The following DMD variants were observed in gnomAD, a reference collection of about 807,000 sequenced individuals.
DMD encodes mutant dystrophin.
Under a neutral mutation model 330.1 loss-of-function variants are expected in DMD, and 63 were observed. The ratio of observed to expected loss-of-function variants is 0.19; its 90% CI spans 0.16 to 0.24. The LOEUF (loss-of-function observed/expected upper bound fraction) is 0.24. DMD is among the 10% of genes least tolerant of loss of function. The probability of loss-of-function intolerance (pLI) is 1.00; values close to 1 mark genes in which losing one functional copy is unlikely to be tolerated. For missense variants in DMD, 3,344 were observed against 2,684.1 expected (o/e 1.25, Z -5.43); for synonymous variants, 1,223 against 959.8 (o/e 1.27, Z -5.07).
chrX:31,382,965 A>G (rs974103147), intron 60 of DMD, among the ~76,000 whole-genome samples: 2 of 112,299 alleles, frequency 1.8e-5, no homozygotes, highest in East Asian at 2.8e-4. Context: ...CCTGTGACCT[A>G]CACATATACA....
chrX:32,476,131 A>T (rs1157014578), intron 21 of DMD, among the ~76,000 whole-genome samples: 1 of 110,988 alleles, frequency 9.0e-6, no homozygotes, highest in East Asian at 2.8e-4. Flanking sequence ...GATGAATCAT[A>T]AGCTTCATAA....
chrX:31,228,267 T>TAAAAAAAAAAAAAAAAA (rs1367757647), intron 63 of DMD, among the ~76,000 whole-genome samples: 1 of 39,611 alleles, frequency 2.5e-5, no homozygotes, highest in Non-Finnish European at 4.1e-5. Flanking sequence ...AAAAAAAAAA[T>TAAAAAAAAAAAAAAAAA]AAAAAAATAA....
chrX:32,886,544 G>T (rs1302794665), intron 2 of DMD, among the ~76,000 whole-genome samples: 2 of 109,908 alleles, frequency 1.8e-5, no homozygotes, highest in South Asian at 4.0e-4. Flanking sequence ...TTAGCCAGGC[G>T]TGGTGGCAGG....
rs1167461837 is a variant in DMD, at chrX:32,380,389, G to A, written c.4845+121C>T. 8.8e-6 allele frequency: 6 copies of A among 684,021 alleles called. No individual in the cohort carries two copies. In the African/African-American group the frequency reaches 1.1e-4, roughly 13 times the overall value. The allele number at this position is 684,021 out of a possible 1,213,427, so 56.4% of individuals were successfully genotyped here. A position where few individuals can be genotyped will look rare whatever the true frequency, so the allele number is the denominator to read the frequency against. ...AGCACAGATTAATTTTTAAGAAAGGGAATATGAAACAATATTAATATTTAT... is the reference window on the plus strand; with the variant it reads ...AGCACAGATTAATTTTTAAGAAAGGAAATATGAAACAATATTAATATTTAT... On this transcript the variant is annotated intron_variant, in intron 34 of 78. Coordinates refer to ENST00000357033, the MANE Select transcript of DMD (RefSeq NM_004006.3).
intron 9 of DMD, among the ~76,000 whole-genome samples, chrX:32,661,333 T>A (rs1166552275): frequency 9.0e-6 from 1 of 110,701 alleles, no homozygotes; most frequent in Non-Finnish European, 1.9e-5. Flanking sequence ...AGCACTCCAC[T>A]AAATCATCTA....
At chrX:31,270,233 C>T (rs1466290683) in intron 62 of DMD, among the ~76,000 whole-genome samples, 1 of 108,864 alleles carries the variant, frequency 9.2e-6, no homozygotes, top group African/African-American at 3.4e-5. Context: ...TGTAAATAGC[C>T]TTTTCATTAT....
chrX:31,827,882 C>A (rs2092925724), intron 49 of DMD, among the ~76,000 whole-genome samples: 1 of 111,162 alleles, frequency 9.0e-6, no homozygotes, highest in African/African-American at 3.3e-5. Flanking sequence ...AATAGTGACA[C>A]AATTTATCAA....
At chrX:31,887,795 C>A (rs1434527324) in intron 47 of DMD, among the ~76,000 whole-genome samples, 1 of 112,162 alleles carries the variant, frequency 8.9e-6, no homozygotes, top group Non-Finnish European at 1.9e-5. Context: ...AGCTAGAATA[C>A]TCACACATAC....
intron 74 of DMD, among the ~76,000 whole-genome samples, chrX:31,148,549 G>A (rs2037007145): frequency 1.8e-5 from 2 of 112,482 alleles, no homozygotes; most frequent in Admixed American, 1.9e-4. Context: ...CTGTTGAAGA[G>A]ATTCTTTACA....
chrX:31,152,443 C>A (rs765878625), intron 74 of DMD, among the ~76,000 whole-genome samples: 2 of 112,006 alleles, frequency 1.8e-5, no homozygotes, highest in Non-Finnish European at 3.8e-5. Context: ...GGATTACAGG[C>A]GTGAGCCACT....
At chrX:32,063,764 A>G (rs914136792) in intron 44 of DMD, among the ~76,000 whole-genome samples, 2 of 111,165 alleles carry the variant, frequency 1.8e-5, no homozygotes, top group African/African-American at 6.5e-5. Flanking sequence ...TTCAACGAGT[A>G]TACAAAGATC....
intron 2 of DMD, among the ~76,000 whole-genome samples, chrX:32,985,949 T>C (rs180752519): frequency 2.7e-3 from 297 of 111,716 alleles, no homozygotes; most frequent in African/African-American, 9.2e-3. Flanking sequence ...TATTAAAGTA[T>C]AGAAGATGTC....
chrX:31,801,175 G>A (rs1246774226), intron 50 of DMD, among the ~76,000 whole-genome samples: 1 of 111,675 alleles, frequency 9.0e-6, no homozygotes, highest in African/African-American at 3.3e-5. Context: ...TCACAGTTCC[G>A]CATGGCTTCA....
chrX:32,676,652 T>C (rs2061991186), intron 9 of DMD, among the ~76,000 whole-genome samples: 1 of 111,620 alleles, frequency 9.0e-6, no homozygotes, highest in South Asian at 3.7e-4. Context: ...ATGATTGTTA[T>C]ACCATTTTAT....
intron 37 of DMD, among the ~76,000 whole-genome samples, chrX:32,351,260 C>T (rs1316694456): frequency 9.0e-6 from 1 of 110,566 alleles, no homozygotes; most frequent in Non-Finnish European, 1.9e-5. Flanking sequence ...AGCCCTTCCT[C>T]CTTTGAAATC....
chrX:32,890,155 A>C (rs184316827), intron 2 of DMD, among the ~76,000 whole-genome samples: 1 of 111,285 alleles, frequency 9.0e-6, no homozygotes, highest in East Asian at 2.8e-4. Context: ...GAGCCAAGTC[A>C]TCTTGAGACA....
chrX:32,299,452 AAGTGAATAAC>A (rs2097512288), intron 42 of DMD, among the ~76,000 whole-genome samples: 1 of 71,986 alleles, frequency 1.4e-5, no homozygotes, highest in African/African-American at 5.0e-5. Context: ...AGGATAATCA[AAGTGAATAAC>A]AAAGTGAAGG....
At chrX:32,491,226 C>T in intron 20 of DMD, 51 bp downstream of exon 20, 2 of 1,198,127 alleles carry the variant, frequency 1.7e-6, no homozygotes, top group Non-Finnish European at 2.3e-6. Flanking sequence ...TGGAAATTGC[C>T]AAGAAATACC....
chrX:31,806,979 A>G (rs1377065099), intron 50 of DMD, among the ~76,000 whole-genome samples: 2 of 112,083 alleles, frequency 1.8e-5, no homozygotes, highest in Non-Finnish European at 3.8e-5. Context: ...GAAGCCTAAA[A>G]AGGGCGAGAG....
Sources: allele counts gnomAD v4.1 joint callset (sites outside exome capture counted in the v4.1 genomes callset), GRCh38; gene constraint gnomAD v4.1.1; transcripts MANE v1.5; gene names NCBI Gene and HGNC (gene_info 2026-07-23, HGNC 2026-07-21).